Variants in C6 observed in about 807,000 individuals in gnomAD.
C6 encodes complement C6.
In C6, 101 loss-of-function variants were observed where a neutral mutation model predicts 112.9. The ratio of observed to expected loss-of-function variants is 0.89; its 90% CI spans 0.76 to 1.06. C6 has a LOEUF of 1.06. Among genes scored for constraint, C6 ranks in the 50% least tolerant of loss-of-function variants. The pLI is 0.00. For synonymous variants in C6, 431 were observed against 384.1 expected (o/e 1.12, Z -1.43); for missense variants, 1,202 against 1,104.6 (o/e 1.09, Z -1.25).
At chr5:41,158,967 T>C (rs1747200314) in intron 12 of C6, 115 bp downstream of exon 12, 5 of 1,320,228 alleles carry the variant, frequency 3.8e-6, no homozygotes, top group Non-Finnish European at 5.5e-6. Context: ...TGTGTTGGCA[T>C]AGGTAAAGTT....
intron 1 of C6, among the ~76,000 whole-genome samples, chr5:41,255,194 CTA>C (rs1009918310): frequency 6.6e-6 from 1 of 152,008 alleles, no homozygotes; most frequent in African/African-American, 2.4e-5. Context: ...AACCCTGTCT[CTA>C]CTAAAAATAC....
At chr5:41,218,613 A>G (rs537810122) in intron 1 of C6, among the ~76,000 whole-genome samples, 1 of 152,254 alleles carries the variant, frequency 6.6e-6, no homozygotes, top group South Asian at 2.1e-4. Context: ...ACAAAATTTA[A>G]TCCTGTAGGA....
chr5:41,183,850 C>T (rs993216899), intron 6 of C6, among the ~76,000 whole-genome samples: 1 of 152,006 alleles, frequency 6.6e-6, no homozygotes, highest in Non-Finnish European at 1.5e-5. Context: ...CAGCTGGAGA[C>T]CATTATCCTA....
intron 1 of C6, among the ~76,000 whole-genome samples, chr5:41,254,191 A>G (rs1246841834): frequency 6.6e-6 from 1 of 152,102 alleles, no homozygotes; most frequent in Admixed American, 6.6e-5. Flanking sequence ...CACTAGGTCA[A>G]GAGATCGAGA....
chr5:41,172,389 A>G (rs775744122), intron 8 of C6, 42 bp from the exon 9 acceptor site: 3 of 1,607,020 alleles, frequency 1.9e-6, no homozygotes, highest in East Asian at 2.2e-5. Context: ...AGAATGCACC[A>G]TTGACAATTC....
At chr5:41,250,040 G>T (rs1462892472) in intron 1 of C6, among the ~76,000 whole-genome samples, 1 of 152,172 alleles carries the variant, frequency 6.6e-6, no homozygotes, top group Non-Finnish European at 1.5e-5. Flanking sequence ...TCAGCTGCAT[G>T]CACAGAGTCA....
At chr5:41,229,242 T>G (rs1739722327) in intron 1 of C6, among the ~76,000 whole-genome samples, 1 of 152,114 alleles carries the variant, frequency 6.6e-6, no homozygotes, top group Non-Finnish European at 1.5e-5. Context: ...TTAGTTTTTC[T>G]TTTTCTTGTT....
At chr5:41,178,336 T>G (rs990796761) in intron 7 of C6, among the ~76,000 whole-genome samples, 3 of 152,200 alleles carry the variant, frequency 2.0e-5, no homozygotes, top group Non-Finnish European at 4.4e-5. Flanking sequence ...GATCTGTGAA[T>G]GACGAAACAA....
In C6 at chr5:41,179,117, G is replaced by A. The variant is rs539197157; in HGVS notation, c.927+2242C>T. ...AATCTGCCCACCTTGGCCTTCCAAA[G>A]TGCTAGGATTACAGGCATGAGCCAC... On this transcript the variant is annotated intron_variant, in intron 7 of 17. Coordinates refer to ENST00000337836, the MANE Select transcript of C6 (RefSeq NM_000065.5). Among the ~76,000 whole-genome samples the A allele has an allele frequency of 1.2e-3, 185 of 152,258 alleles. 1 individual carries two copies. The highest frequency in any genetic ancestry group is 4.4e-3 in the African/African-American group (181 of 41,560).
chr5:41,155,927 G>T (rs1746859762), intron 13 of C6, among the ~76,000 whole-genome samples: 1 of 151,976 alleles, frequency 6.6e-6, no homozygotes, highest in African/African-American at 2.4e-5. Context: ...TTATGACTGA[G>T]TGCAGATCAT....
chr5:41,207,731 G>A (rs1751551979), intron 1 of C6, among the ~76,000 whole-genome samples: 1 of 152,036 alleles, frequency 6.6e-6, no homozygotes, highest in African/African-American at 2.4e-5. Flanking sequence ...CATAAAGCCA[G>A]TCCTTAGAGA....
At chr5:41,210,001 A>C (rs890327124) in intron 1 of C6, among the ~76,000 whole-genome samples, 4 of 152,218 alleles carry the variant, frequency 2.6e-5, no homozygotes, top group African/African-American at 9.6e-5. Context: ...ACAGCATGGT[A>C]CTGGTACCAA....
intron 3 of C6, among the ~76,000 whole-genome samples, chr5:41,200,378 A>T (rs994386544): frequency 1.3e-5 from 2 of 152,154 alleles, no homozygotes; most frequent in African/African-American, 4.8e-5. Context: ...AAAGATTTTA[A>T]ATGGCGAGTA....
intron 5 of C6, among the ~76,000 whole-genome samples, chr5:41,190,045 A>G (rs1750078277): frequency 6.6e-6 from 1 of 152,118 alleles, no homozygotes; most frequent in Non-Finnish European, 1.5e-5. Flanking sequence ...TATGTTGGTT[A>G]TTGTGAACAG....
chr5:41,159,270 C>G lies in C6; in HGVS notation c.1685-17G>C. ...CTACTGCATCTGGAACAAAGGAAGA[C>G]TCACTCCCATGGATCATGGTGCAGC... On this transcript the variant is annotated splice_polypyrimidine_tract_variant and intron_variant, in intron 11 of 17. Transcript: ENST00000337836. 6.2e-7 allele frequency: 1 copy of G among 1,611,722 alleles called. No individual in the cohort carries two copies. The highest frequency in any genetic ancestry group is 1.1e-5 in the South Asian group (1 of 90,908).
At chr5:41,236,465 C>T (rs574925316) in intron 1 of C6, among the ~76,000 whole-genome samples, 2 of 150,282 alleles carry the variant, frequency 1.3e-5, no homozygotes, top group Admixed American at 1.3e-4. Flanking sequence ...ACAACCTGCT[C>T]CTGAATGACT....
intron 4 of C6, among the ~76,000 whole-genome samples, chr5:41,196,900 T>C (rs1213616034): frequency 6.6e-6 from 1 of 152,090 alleles, no homozygotes; most frequent in Non-Finnish European, 1.5e-5. Flanking sequence ...GAAATACTTA[T>C]GTGCAATGAC....
chr5:41,213,399 C>T lies in C6; in HGVS notation c.-44G>A. 1.0e-6 allele frequency: 1 copy of T among 985,092 alleles called. No individual in the cohort carries two copies. Among genetic ancestry groups the T allele is most frequent in the Non-Finnish European group, 1.2e-6 (1 of 829,798 alleles). 61.0% of individuals were successfully genotyped at this position (985,092 alleles called of 1,614,324 possible). On this transcript the variant is annotated 5_prime_UTR_variant, in exon 1 of 18. Coordinates refer to ENST00000337836, the MANE Select transcript of C6 (RefSeq NM_000065.5). ...ACCTTTAAGCAGAGTTTGTGGTGTC[C>T]TCGGACCTAAGCTGCAAATTATTGG... is the stretch of plus-strand genomic sequence containing the variant.
intron 14 of C6, 44 bp from the exon 15 acceptor site, chr5:41,154,042 A>T (rs755979382): frequency 6.3e-7 from 1 of 1,589,858 alleles, no homozygotes; most frequent in African/African-American, 1.3e-5. Context: ...GGAGCAGAAT[A>T]AACAAAAAAT....
Sources: gnomAD v4.1 joint callset for allele counts (sites outside exome capture counted in the v4.1 genomes callset) on GRCh38, gnomAD v4.1.1 for gene constraint, MANE v1.5 for transcripts, NCBI Gene and HGNC (gene_info 2026-07-23, HGNC 2026-07-21) for gene names.